Variants in FHIT observed in about 807,000 individuals in gnomAD.
The protein encoded by FHIT is bis(5'-adenosyl)-triphosphatase.
In FHIT, 19 loss-of-function variants were observed where a neutral mutation model predicts 17.9. The observed-to-expected ratio is 1.06, with a 90% CI of 0.74 to 1.56. FHIT has a LOEUF of 1.56. Among genes scored for constraint, FHIT ranks in the 40% most tolerant of loss-of-function variants. FHIT has a pLI of 0.00. For missense variants in FHIT, 248 were observed against 189.2 expected (o/e 1.31, Z -1.82); for synonymous variants, 81 against 69.7 (o/e 1.16, Z -0.81).
chr3:59,844,093 C>G (rs913938975), intron 8 of FHIT, among the ~76,000 whole-genome samples: 1 of 152,172 alleles, frequency 6.6e-6, no homozygotes, highest in Admixed American at 6.5e-5. Context: ...TAAAAGCTCT[C>G]TGACACCTCC....
At chr3:60,588,408 C>T (rs782563120) in intron 4 of FHIT, among the ~76,000 whole-genome samples, 6 of 151,230 alleles carry the variant, frequency 4.0e-5, no homozygotes, top group Non-Finnish European at 7.4e-5. Flanking sequence ...CTCTAAAATT[C>T]TCAAAGGAAG....
In FHIT at chr3:61,044,890, C is replaced by G. The variant is rs200119139; in HGVS notation, c.-163-2791G>C. 1.2e-4 allele frequency among the ~76,000 whole-genome samples: 18 copies of G among 152,262 alleles called. No individual in the cohort carries two copies. In the East Asian group the frequency reaches 2.7e-3, roughly 23 times the overall value. On this transcript the variant is annotated intron_variant, in intron 2 of 9. Transcript: ENST00000492590. ...TCATAACTAGCCAAACTAATCTTCA[C>G]AAGTGAAGGAGAAATAAAATCCTTT...
At chr3:60,791,501 A>C (rs1376483170) in intron 4 of FHIT, among the ~76,000 whole-genome samples, 1 of 152,218 alleles carries the variant, frequency 6.6e-6, no homozygotes, top group Non-Finnish European at 1.5e-5. Flanking sequence ...CCAACTAAGA[A>C]GTATTTATTT....
intron 4 of FHIT, among the ~76,000 whole-genome samples, chr3:60,742,225 C>T (rs760314): frequency 0.73 from 111,102 of 152,058 alleles, 41,092 homozygotes; most frequent in East Asian, 0.89. Context: ...CTAATTACAA[C>T]GAATGTCCTT....
intron 5 of FHIT, among the ~76,000 whole-genome samples, chr3:60,456,815 G>C (rs961552916): frequency 6.6e-6 from 1 of 151,938 alleles, no homozygotes; most frequent in Admixed American, 6.6e-5. Context: ...TGGATCAGGA[G>C]GCATGAAAGC....
chr3:60,494,223 C>G (rs34471619), intron 5 of FHIT, among the ~76,000 whole-genome samples: 19 of 152,196 alleles, frequency 1.2e-4, no homozygotes, highest in Non-Finnish European at 2.5e-4. Context: ...CCACTACCCA[C>G]TCCTAACCCC....
At chr3:60,020,091 A>C (rs1463296184) in intron 5 of FHIT, among the ~76,000 whole-genome samples, 1 of 152,180 alleles carries the variant, frequency 6.6e-6, no homozygotes, top group Non-Finnish European at 1.5e-5. Context: ...TGAAACACAG[A>C]ACCAACTGCA....
intron 8 of FHIT, among the ~76,000 whole-genome samples, chr3:59,900,117 G>A (rs974152879): frequency 6.6e-6 from 1 of 152,154 alleles, no homozygotes; most frequent in African/African-American, 2.4e-5. Context: ...AATCACCAGG[G>A]GCAAAGCATG....
intron 4 of FHIT, among the ~76,000 whole-genome samples, chr3:60,782,237 G>GTATATATATATATATATATA (rs11272366): frequency 3.2e-4 from 31 of 95,584 alleles, no homozygotes; most frequent in African/African-American, 8.5e-4. Context: ...GTGTGTGTGT[G>GTATATATATATATATATATA]TATATATATA....
intron 5 of FHIT, among the ~76,000 whole-genome samples, chr3:60,045,023 T>A (rs894022476): frequency 2.0e-5 from 3 of 152,070 alleles, no homozygotes; most frequent in Non-Finnish European, 1.5e-5. Context: ...CTTGTCCATA[T>A]TGGCCATCAT....
intron 5 of FHIT, among the ~76,000 whole-genome samples, chr3:60,451,668 A>G (rs7644699): frequency 0.19 from 29,602 of 152,086 alleles, 3,062 homozygotes; most frequent in Admixed American, 0.29. Flanking sequence ...CATTTTGCAC[A>G]AAGATAACTT....
At chr3:60,210,059 A>T (rs1703377921) in intron 5 of FHIT, among the ~76,000 whole-genome samples, 1 of 152,170 alleles carries the variant, frequency 6.6e-6, no homozygotes, top group African/African-American at 2.4e-5. Context: ...AACTTAAAAT[A>T]AAAAATTAAG....
intron 7 of FHIT, among the ~76,000 whole-genome samples, chr3:59,962,560 A>C (rs1036979423): frequency 6.6e-6 from 1 of 152,194 alleles, no homozygotes; most frequent in Non-Finnish European, 1.5e-5. Flanking sequence ...TATTGTCCTA[A>C]GCAAAAGGAC....
chr3:60,915,526 C>A (rs1166450037), intron 3 of FHIT, among the ~76,000 whole-genome samples: 3 of 152,042 alleles, frequency 2.0e-5, no homozygotes, highest in South Asian at 4.1e-4. Context: ...AATGATTTTG[C>A]CATTTATTCG....
At chr3:60,316,938 C>T (rs541315934) in intron 5 of FHIT, among the ~76,000 whole-genome samples, 4 of 152,126 alleles carry the variant, frequency 2.6e-5, no homozygotes, top group South Asian at 2.1e-4. Context: ...CTTTCCTAAT[C>T]GATTGAAATA....
At chr3:59,902,753 TAGAAAC>T (rs1262982113) in intron 8 of FHIT, among the ~76,000 whole-genome samples, 1 of 152,162 alleles carries the variant, frequency 6.6e-6, no homozygotes, top group African/African-American at 2.4e-5. Context: ...TTCAAACTGT[TAGAAAC>T]AGAGCATGGA....
intron 8 of FHIT, among the ~76,000 whole-genome samples, chr3:59,799,168 C>G (rs1243220473): frequency 6.6e-6 from 1 of 152,144 alleles, no homozygotes; most frequent in Non-Finnish European, 1.5e-5. Flanking sequence ...TAGAATAAAC[C>G]TTCTTTGAAG....
intron 2 of FHIT, among the ~76,000 whole-genome samples, chr3:61,166,046 C>T (rs559112657): frequency 4.6e-5 from 7 of 152,150 alleles, no homozygotes; most frequent in Non-Finnish European, 8.8e-5. Flanking sequence ...ATCAGCAAAG[C>T]GTGCATAGGG....
chr3:60,475,267 G>A (rs751051220), intron 5 of FHIT, among the ~76,000 whole-genome samples: 4 of 152,114 alleles, frequency 2.6e-5, no homozygotes, highest in African/African-American at 7.2e-5. Flanking sequence ...ACAAAGCAAA[G>A]GTTAGGGGAG....
Sources: gnomAD v4.1 joint callset for allele counts (sites outside exome capture counted in the v4.1 genomes callset) on GRCh38, gnomAD v4.1.1 for gene constraint, MANE v1.5 for transcripts, NCBI Gene and HGNC (gene_info 2026-07-23, HGNC 2026-07-21) for gene names.